Variants in TEKT5 observed in about 807,000 individuals in gnomAD.
The protein encoded by TEKT5 is tektin 5.
In TEKT5, 52 loss-of-function variants were observed where a neutral mutation model predicts 48.7. The observed-to-expected ratio is 1.07, with a 90% confidence interval of 0.86 to 1.35. The LOEUF is 1.35. Ranked by LOEUF, TEKT5 falls within the 40% of genes most tolerant of loss-of-function variation. The pLI is 0.00. For missense variants in TEKT5, 831 were observed against 641.6 expected (o/e 1.30, Z -3.19); for synonymous variants, 318 against 267.6 (o/e 1.19, Z -1.84).
At chr16:10,654,110 G>A (rs1436463237) in intron 5 of TEKT5, among the ~76,000 whole-genome samples, 1 of 152,048 alleles carries the variant, frequency 6.6e-6, no homozygotes, top group Admixed American at 6.6e-5. Flanking sequence ...AACTGCAGCG[G>A]CACTATTATG....
At chr16:10,662,089 T>C (rs746728251) in intron 5 of TEKT5, among the ~76,000 whole-genome samples, 2 of 152,296 alleles carry the variant, frequency 1.3e-5, no homozygotes, top group African/African-American at 2.4e-5. Flanking sequence ...CTTGGCACTA[T>C]TGACATTTGA....
chr16:10,691,757 G>A lies in TEKT5; in HGVS notation c.565-1732C>T, dbSNP rs9922744. ...AGGTCAAGAGATCAAGACCATACTG[G>A]CTAACACGGTGAAACCCTATCTCTA... On this transcript the variant is annotated intron_variant, in intron 1 of 6. Transcript: ENST00000283025. Among the ~76,000 whole-genome samples the A allele has an allele frequency of 4.0e-3, 609 of 152,232 alleles. 5 individuals carry two copies. Among genetic ancestry groups the A allele is most frequent in the African/African-American group, 0.014 (584 of 41,534 alleles).
chr16:10,676,236 G>C, intron 4 of TEKT5, 55 bp from the exon 5 acceptor site: 1 of 1,555,454 alleles, frequency 6.4e-7, no homozygotes, highest in Non-Finnish European at 8.8e-7. Flanking sequence ...AGAATCTGTG[G>C]TTTCTCCGCC....
At chr16:10,652,603 GACAC>G (rs71133381) in intron 5 of TEKT5, among the ~76,000 whole-genome samples, 4,092 of 12,110 alleles carry the variant, frequency 0.34, 811 homozygotes, top group Middle Eastern at 1. Context: ...TACACAGGCA[GACAC>G]ACACACACAC....
intron 2 of TEKT5, 101 bp from the exon 3 acceptor site, chr16:10,689,424 C>T (rs991860000): frequency 9.9e-7 from 1 of 1,008,892 alleles, no homozygotes; most frequent in Non-Finnish European, 1.5e-6. Flanking sequence ...TCACTGACCA[C>T]CCTCGACCCC....
At chr16:10,635,456 C>G (rs80214318) in intron 6 of TEKT5, among the ~76,000 whole-genome samples, 4,505 of 152,180 alleles carry the variant, frequency 0.03, 106 homozygotes, top group East Asian at 0.058. Context: ...CCTTGGCTTT[C>G]AAGTGAAACA....
intron 1 of TEKT5, among the ~76,000 whole-genome samples, chr16:10,693,688 T>C (rs1596425313): frequency 6.6e-6 from 1 of 152,138 alleles, no homozygotes; most frequent in African/African-American, 2.4e-5. Context: ...CGGGGAAAAA[T>C]AAGGCAGTTA....
chr16:10,684,683 G>C (rs1898826576), intron 3 of TEKT5, among the ~76,000 whole-genome samples: 1 of 152,210 alleles, frequency 6.6e-6, no homozygotes, highest in Admixed American at 6.5e-5. Context: ...GGGGGCCTCA[G>C]AGTCCAGCGT....
chr16:10,669,762 A>G (rs1310611263), intron 5 of TEKT5, among the ~76,000 whole-genome samples: 1 of 151,736 alleles, frequency 6.6e-6, no homozygotes, highest in East Asian at 1.9e-4. Flanking sequence ...TCAAATGCAC[A>G]TTCACTTGGG....
intron 5 of TEKT5, among the ~76,000 whole-genome samples, chr16:10,655,847 T>A (rs1459060196): frequency 1.3e-5 from 2 of 152,190 alleles, no homozygotes; most frequent in Non-Finnish European, 2.9e-5. Context: ...GGGCATCTGA[T>A]GATACCATGA....
Position 10,694,589 on chromosome 16 carries a change from G to C in TEKT5, c.285C>G (p.Asp95Glu). ...LFSRYSPHDW[D>E]QSNQLQVRGA... ...CACGCACCTGCAGCTGGTTGGACTG[G>C]TCCCAGTCGTGGGGGCTATAGCGAG... The change falls in exon 1 of 7, where the codon GAC becomes GAG. Residue 95 changes from aspartate (D) to glutamate (E), a missense_variant. Asp to Glu is a conservative substitution (Grantham distance 45). Coordinates refer to ENST00000283025, the MANE Select transcript of TEKT5 (RefSeq NM_144674.2). 3 of 1,606,996 alleles carry C rather than the reference G, an allele frequency of 1.9e-6. No homozygotes were observed. Among genetic ancestry groups the C allele is most frequent in the Non-Finnish European group, 2.5e-6 (3 of 1,176,526 alleles).
intron 5 of TEKT5, among the ~76,000 whole-genome samples, chr16:10,673,552 G>C (rs112567125): frequency 6.6e-6 from 1 of 151,872 alleles, no homozygotes; most frequent in East Asian, 1.9e-4. Flanking sequence ...CCCTTTTCTG[G>C]TCCTTCTTCC....
intron 5 of TEKT5, among the ~76,000 whole-genome samples, chr16:10,661,188 C>T (rs779404600): frequency 2.0e-5 from 3 of 152,050 alleles, no homozygotes; most frequent in Non-Finnish European, 2.9e-5. Context: ...GGCGGAGGGG[C>T]GGGGATTTGG....
rs59393710 is a variant in TEKT5 at position 10,666,420 on chromosome 16, G to C, written c.1086+9539C>G. Among the ~76,000 whole-genome samples, 929 of 152,232 alleles carry C rather than the reference G, an allele frequency of 6.1e-3. 6 individuals are homozygous for C. Among genetic ancestry groups the C allele is most frequent in the African/African-American group, 0.021 (874 of 41,526 alleles). On this transcript the variant is annotated intron_variant, in intron 5 of 6. Coordinates refer to ENST00000283025, the MANE Select transcript of TEKT5 (RefSeq NM_144674.2). The stretch of plus-strand genomic sequence containing the variant: ...TTCAGGCCCAAACATTCTTTGCTGT[G>C]GGGGGCTGCCCTGCGCCGTGTGGGA...
At position 10,662,953 on chromosome 16, in the gene TEKT5, G is replaced by A. The variant is rs140384076; in HGVS notation, c.1086+13006C>T. Among the ~76,000 whole-genome samples, 889 of 152,136 alleles carry A rather than the reference G, an allele frequency of 5.8e-3. 5 individuals carry two copies. Among genetic ancestry groups the A allele is most frequent in the Non-Finnish European group, 9.0e-3 (615 of 68,002 alleles). On this transcript the variant is annotated intron_variant, in intron 5 of 6. Transcript: ENST00000283025. The stretch of plus-strand genomic sequence containing the variant: ...TAAGTTATCATTTTCTTTCTCCTTC[G>A]GCTTGCAGCAGGATGGAAAACTCAA...
rs778717099 is a variant in TEKT5 at position 10,689,261 on chromosome 16, G to C, written c.711C>G (p.Ile237Met). The C allele has an allele frequency of 3.1e-6, 5 of 1,606,724 alleles. No homozygotes were observed. In the South Asian group the frequency reaches 4.5e-5, roughly 14 times the overall value. ...AAAAAAAAAGCCCTTACCGCATCTG[G>C]ATATCAATTCTTTGAGCTAATTTTC... ...QMRKLAQRIDIQMRDNRDAQH... is the reference protein window; with the variant it reads ...QMRKLAQRIDMQMRDNRDAQH... The change falls in exon 3 of 7, where the codon ATC becomes ATG. Residue 237 changes from isoleucine (I) to methionine (M), a missense_variant. By Grantham distance (10) the Ile-to-Met change is conservative. Transcript: ENST00000283025.
chr16:10,670,000 G>A (rs1174602354), intron 5 of TEKT5, among the ~76,000 whole-genome samples: 3 of 152,212 alleles, frequency 2.0e-5, no homozygotes, highest in Non-Finnish European at 2.9e-5. Flanking sequence ...GGGTGTGGCC[G>A]AGGTGACAGA....
At chr16:10,631,425 G>A (rs201033933) in intron 6 of TEKT5, among the ~76,000 whole-genome samples, 2 of 151,924 alleles carry the variant, frequency 1.3e-5, no homozygotes, top group Non-Finnish European at 2.9e-5. Flanking sequence ...AGGCTGCTGT[G>A]TAAGATGAGA....
intron 5 of TEKT5, among the ~76,000 whole-genome samples, chr16:10,653,655 G>C (rs938190706): frequency 6.6e-6 from 1 of 152,216 alleles, no homozygotes; most frequent in Non-Finnish European, 1.5e-5. Context: ...GCCTACGCTT[G>C]TAATCCAAAC....
Sources: allele counts gnomAD v4.1 joint callset (sites outside exome capture counted in the v4.1 genomes callset), GRCh38; gene constraint gnomAD v4.1.1; transcripts MANE v1.5; gene names NCBI Gene and HGNC (gene_info 2026-07-23, HGNC 2026-07-21).